SCAF4: variants seen among roughly 807,000 people sequenced by gnomAD.
SCAF4 encodes the protein SR-related and CTD-associated factor 4.
Under a neutral mutation model 129.8 loss-of-function variants are expected in SCAF4, and 25 were observed. That is an observed-to-expected ratio of 0.19 (90% confidence interval 0.14 to 0.27). The LOEUF is 0.27. SCAF4 is among the 10% of genes least tolerant of loss of function. SCAF4 has a pLI of 1.00. For missense variants in SCAF4, 1,246 were observed against 1,457.1 expected, an observed-to-expected ratio of 0.86 and a Z score of 2.36; for synonymous variants, 551 against 497.7, an observed-to-expected ratio of 1.11 and a Z score of -1.43.
At chr21:31,682,746 G>A (rs1017343084) in intron 19 of SCAF4, among the ~76,000 whole-genome samples, 1 of 152,192 alleles carries the variant, frequency 6.6e-6, no homozygotes, top group African/African-American at 2.4e-5. Context: ...AGAGCACCAA[G>A]AGGAAATACC....
At chr21:31,705,372 A>C in intron 3 of SCAF4, 51 bp downstream of exon 3, 1 of 882,444 alleles carries the variant, frequency 1.1e-6, no homozygotes. Context: ...TTACAAAGTA[A>C]ATTACAAATC....
intron 1 of SCAF4, among the ~76,000 whole-genome samples, chr21:31,721,265 A>T (rs1424629653): frequency 6.6e-6 from 1 of 152,176 alleles, no homozygotes; most frequent in Non-Finnish European, 1.5e-5. Context: ...AAAGATTTGG[A>T]CTTATTTCAA....
intron 1 of SCAF4, among the ~76,000 whole-genome samples, chr21:31,718,409 A>T (rs988568355): frequency 3.3e-5 from 5 of 152,224 alleles, no homozygotes; most frequent in Non-Finnish European, 7.3e-5. Flanking sequence ...TGAAAACAAG[A>T]TAAATCTGGC....
chr21:31,688,173 A>G, intron 16 of SCAF4, 134 bp downstream of exon 16: 2 of 532,176 alleles, frequency 3.8e-6, no homozygotes, highest in South Asian at 7.4e-5. Flanking sequence ...TAAATCTGAT[A>G]AAACATGAAA....
chr21:31,700,596 T>C (rs559804461), intron 7 of SCAF4, among the ~76,000 whole-genome samples: 1 of 152,216 alleles, frequency 6.6e-6, no homozygotes, highest in South Asian at 2.1e-4. Context: ...CCAAAACAAG[T>C]GGGTATGTAT....
At chr21:31,697,932 T>C (rs2050428041) in intron 7 of SCAF4, among the ~76,000 whole-genome samples, 1 of 152,212 alleles carries the variant, frequency 6.6e-6, no homozygotes, top group Non-Finnish European at 1.5e-5. Flanking sequence ...GTTTTACATA[T>C]TTTTATTTAA....
chr21:31,708,333 T>A (rs1014100626), intron 1 of SCAF4, among the ~76,000 whole-genome samples: 3 of 150,586 alleles, frequency 2.0e-5, no homozygotes, highest in Non-Finnish European at 4.4e-5. Flanking sequence ...TAAGCCAAGA[T>A]CGCGCCACTG....
At chr21:31,731,640 C>T (rs1266676052) in intron 1 of SCAF4, 23 bp downstream of exon 1, 6 of 1,589,488 alleles carry the variant, frequency 3.8e-6, no homozygotes, top group Non-Finnish European at 5.1e-6. Flanking sequence ...GCCCGGCACC[C>T]CCCTGCCCCA....
intron 1 of SCAF4, among the ~76,000 whole-genome samples, chr21:31,707,500 A>G (rs1171426165): frequency 6.6e-6 from 1 of 152,252 alleles, no homozygotes; most frequent in Non-Finnish European, 1.5e-5. Context: ...AGAGGGTTAT[A>G]AAGATAAAAT....
chr21:31,706,174 A>T, intron 2 of SCAF4, 100 bp downstream of exon 2: 1 of 763,528 alleles, frequency 1.3e-6, no homozygotes, highest in South Asian at 1.6e-5. Context: ...TCTTTGATTT[A>T]GGCCTGAACT....
At chr21:31,689,479 T>G (rs1317122516) in intron 15 of SCAF4, among the ~76,000 whole-genome samples, 2 of 150,672 alleles carry the variant, frequency 1.3e-5, no homozygotes, top group East Asian at 2.0e-4. Flanking sequence ...TTTTTTTTTT[T>G]TTGTATTTTT....
In SCAF4 at chr21:31,694,891, T is replaced by G; in HGVS notation, c.1158A>C (p.Pro386=). Residue 386 remains proline, a synonymous_variant, in exon 10 of 20, where the codon CCA becomes CCC. Transcript: ENST00000286835. ...GGAAAGGCTGCTGCACTGGTGGAGT[T>G]GGAGGAATCACAGGCTGAGCCATGG... is the stretch of plus-strand genomic sequence containing the variant. ...FPPMAQPVIP[P]TPPVQQPFQA... 1 of 1,614,136 alleles carries G rather than the reference T, an allele frequency of 6.2e-7. No homozygotes were observed. The highest frequency in any genetic ancestry group is 8.5e-7 in the Non-Finnish European group (1 of 1,179,970).
At chr21:31,702,069 C>A in intron 5 of SCAF4, 151 bp from the exon 6 acceptor site, 1 of 1,207,540 alleles carries the variant, frequency 8.3e-7, no homozygotes, top group South Asian at 1.4e-5. Flanking sequence ...TAACAACTAC[C>A]AGAAGAGCAG....
intron 6 of SCAF4, among the ~76,000 whole-genome samples, chr21:31,701,445 A>G (rs866254067): frequency 6.6e-6 from 1 of 152,236 alleles, no homozygotes; most frequent in Non-Finnish European, 1.5e-5. Flanking sequence ...CAAAGTAAGC[A>G]TAAGTTTTCT....
chr21:31,675,038 G>A (rs1010141453), intron 19 of SCAF4, among the ~76,000 whole-genome samples: 4 of 152,166 alleles, frequency 2.6e-5, no homozygotes, highest in Admixed American at 2.0e-4. Context: ...AGGCCAGTGA[G>A]TTAAGGAAGG....
chr21:31,691,733 A>C (rs1479386149), intron 14 of SCAF4, 84 bp downstream of exon 14: 1 of 517,334 alleles, frequency 1.9e-6, no homozygotes, highest in Non-Finnish European at 3.3e-6. Flanking sequence ...CATTTCGAAG[A>C]CCCAAATTAG....
intron 1 of SCAF4, among the ~76,000 whole-genome samples, chr21:31,722,937 A>G (rs747872458): frequency 6.6e-6 from 1 of 152,202 alleles, no homozygotes; most frequent in Non-Finnish European, 1.5e-5. Flanking sequence ...TGGGTGACAG[A>G]GCAAGACTCC....
chr21:31,728,818 C>T (rs934407311), intron 1 of SCAF4, among the ~76,000 whole-genome samples: 2 of 152,130 alleles, frequency 1.3e-5, no homozygotes, highest in African/African-American at 4.8e-5. Flanking sequence ...CAAAAATTTC[C>T]ACATGATTGT....
Position 31,690,807 on chromosome 21 carries a change from T to A in SCAF4, c.1875A>T (p.Thr625=). 1 of 1,612,912 alleles carries A rather than the reference T, an allele frequency of 6.2e-7. No homozygotes were observed. The highest frequency in any genetic ancestry group is 8.5e-7 in the Non-Finnish European group (1 of 1,179,490). ...FCEGGMLDSD[T]LNPDWKGIPK... Reference sequence around the variant, plus strand: ...TAAATACTGCTTTACCTGGGTTAAGTGTGTCACTGTCCAACATTCCTCCTT... The same window carrying A: ...TAAATACTGCTTTACCTGGGTTAAGAGTGTCACTGTCCAACATTCCTCCTT... The change falls in exon 15 of 20, where the codon ACA becomes ACT. Residue 625 remains threonine (T), a synonymous_variant. Transcript: ENST00000286835.
Sources: gnomAD v4.1 joint callset for allele counts (sites outside exome capture counted in the v4.1 genomes callset) on GRCh38, gnomAD v4.1.1 for gene constraint, MANE v1.5 for transcripts, NCBI Gene and HGNC (gene_info 2026-07-23, HGNC 2026-07-21) for gene names.